Variants in REV3L observed in about 807,000 individuals in gnomAD.
REV3L encodes the protein REV3 like, DNA directed polymerase zeta catalytic subunit, also known as DNA polymerase zeta catalytic subunit.
In REV3L, 69 loss-of-function variants were observed where a neutral mutation model predicts 299.4. That is an observed-to-expected ratio of 0.23 (90% CI 0.19 to 0.28). REV3L has a LOEUF of 0.28. REV3L is among the 10% of genes least tolerant of loss of function. The pLI is 1.00. For missense variants in REV3L, 3,128 were observed against 3,693.8 expected (o/e 0.85, Z 3.97); for synonymous variants, 1,238 against 1,271.4 (o/e 0.97, Z 0.56).
Position 111,376,282 on chromosome 6 carries a change from T to G in REV3L, c.2073A>C (p.Ile691=). The G allele has an allele frequency of 6.2e-7, 1 of 1,613,840 alleles. No homozygotes were observed. Among genetic ancestry groups the G allele is most frequent in the Non-Finnish European group, 8.5e-7 (1 of 1,179,918 alleles). The change falls in exon 13 of 32, where the codon ATA becomes ATC. Residue 691 remains isoleucine (I), a synonymous_variant. Transcript: ENST00000368802. ...IRKIEKDSPF[I]HMHRHPNENT... ...TCTCGTTAGGGTGACGGTGCATATG[T>G]ATAAAAGGGGAATCCTTTTCGATTT...
chr6:111,379,877 G>A (rs1780652074), intron 11 of REV3L, 105 bp downstream of exon 11: 2 of 755,332 alleles, frequency 2.6e-6, no homozygotes, highest in African/African-American at 1.8e-5. Context: ...CATCAATTTA[G>A]TTCATAAGGT....
chr6:111,373,148 T>C lies in REV3L; in HGVS notation c.5207A>G (p.Asn1736Ser). The change falls in exon 13 of 32, where the codon AAT becomes AGT. Residue 1736 changes from asparagine to serine, a missense_variant. Asn to Ser is a conservative substitution (Grantham distance 46). Around this residue, in one of 9 missense-constraint regions of REV3L, gnomAD observed 2,409 missense variants for 2,611.8 expected, o/e 0.92. Transcript: ENST00000368802. ...EIFEKSTIDS[N>S]ENRRHNQWKN... Reference sequence around the variant, plus strand: ...CCACTGGTTGTGGCGACGATTCTCATTGCTATCTATGGTTGACTTCTCAAA... The same window carrying C: ...CCACTGGTTGTGGCGACGATTCTCACTGCTATCTATGGTTGACTTCTCAAA... The C allele has an allele frequency of 1.2e-6, 2 of 1,614,164 alleles. No homozygotes were observed. Among genetic ancestry groups the C allele is most frequent in the Non-Finnish European group, 1.7e-6 (2 of 1,180,006 alleles).
intron 1 of REV3L, among the ~76,000 whole-genome samples, chr6:111,439,226 C>G (rs1305941948): frequency 6.6e-6 from 1 of 152,098 alleles, no homozygotes; most frequent in Non-Finnish European, 1.5e-5. Flanking sequence ...TGACGTCAGA[C>G]AAAAAGCAAA....
At chr6:111,320,961 G>C (rs1042296496) in intron 26 of REV3L, among the ~76,000 whole-genome samples, 1 of 152,164 alleles carries the variant, frequency 6.6e-6, no homozygotes, top group African/African-American at 2.4e-5. Context: ...AATGTTTGTT[G>C]AATGTATCAG....
chr6:111,445,104 T>C (rs1788689172), intron 1 of REV3L, among the ~76,000 whole-genome samples: 1 of 152,088 alleles, frequency 6.6e-6, no homozygotes, highest in Admixed American at 6.5e-5. Flanking sequence ...CCAACTGCCT[T>C]GGAAGGGAAG....
At chr6:111,438,795 C>T (rs1165411109) in intron 1 of REV3L, among the ~76,000 whole-genome samples, 1 of 152,020 alleles carries the variant, frequency 6.6e-6, no homozygotes, top group Non-Finnish European at 1.5e-5. Context: ...CTCACGGGGT[C>T]CTGAATAAGG....
Position 111,367,876 on chromosome 6 carries a change from C to T in REV3L, c.5912G>A (p.Ser1971Asn). 6.2e-7 allele frequency: 1 copy of T among 1,614,160 alleles called. No individual in the cohort carries two copies. Among genetic ancestry groups the T allele is most frequent in the Non-Finnish European group, 8.5e-7 (1 of 1,180,022 alleles). Residue 1971 changes from serine to asparagine, a missense_variant, in exon 14 of 32, where the codon AGT becomes AAT. Physicochemically the swap from Ser to Asn is conservative, Grantham distance 46 (BLOSUM62 1). This residue lies in a region of REV3L where 2,409 missense variants were observed against 2,611.8 expected (regional missense o/e 0.92). Transcript: ENST00000368802. ...QNPRPGSPLR[S>N]GQGVVNKGSS... The stretch of plus-strand genomic sequence containing the variant: ...CCCTTTATTGACAACTCCTTGGCCA[C>T]TGCGAAGGGGTGACCCTGGCCTTGG...
At chr6:111,414,896 CT>C (rs745697083) in intron 2 of REV3L, among the ~76,000 whole-genome samples, 12 of 152,110 alleles carry the variant, frequency 7.9e-5, no homozygotes, top group Non-Finnish European at 1.3e-4. Flanking sequence ...ACACTATTTT[CT>C]TTTTTGTTTT....
At chr6:111,449,598 C>T (rs1305920591) in intron 1 of REV3L, among the ~76,000 whole-genome samples, 1 of 152,108 alleles carries the variant, frequency 6.6e-6, no homozygotes, top group Admixed American at 6.5e-5. Context: ...CACAAGACAT[C>T]GAGTAGAATA....
chr6:111,350,786 A>G (rs1414850827), intron 19 of REV3L, among the ~76,000 whole-genome samples: 2 of 146,838 alleles, frequency 1.4e-5, no homozygotes, highest in Non-Finnish European at 3.0e-5. Context: ...ATGGGGTCTC[A>G]CTTTGTTGCC....
intron 13 of REV3L, among the ~76,000 whole-genome samples, chr6:111,369,486 T>G (rs754455917): frequency 1.3e-5 from 2 of 152,096 alleles, no homozygotes; most frequent in Non-Finnish European, 2.9e-5. Flanking sequence ...AAGAAAATGC[T>G]AATATCTTCT....
chr6:111,483,395 A>AGGCGGCC (rs1040606512), upstream of REV3L: 9 of 446,806 alleles, frequency 2.0e-5, no homozygotes, highest in Non-Finnish European at 3.2e-5. Context: ...GCGGCGAGGG[A>AGGCGGCC]GGCGGCCGGC....
chr6:111,400,615 C>G (rs185721041), intron 4 of REV3L, among the ~76,000 whole-genome samples: 151 of 152,230 alleles, frequency 9.9e-4, no homozygotes, highest in African/African-American at 3.5e-3. Flanking sequence ...ATACACAAGT[C>G]CTCTATCAGA....
At chr6:111,395,732 C>G (rs931499612) in intron 4 of REV3L, among the ~76,000 whole-genome samples, 11 of 152,048 alleles carry the variant, frequency 7.2e-5, no homozygotes, top group African/African-American at 2.2e-4. Flanking sequence ...CTATGTTGAA[C>G]AGGAGTGGTA....
rs200575511 is a variant in REV3L at position 111,343,975 on chromosome 6, A to G, written c.7488T>C (p.Phe2496=). 184 of 1,613,646 alleles carry G rather than the reference A, an allele frequency of 1.1e-4. No individual in the cohort carries two copies. Among genetic ancestry groups the G allele is most frequent in the Non-Finnish European group, 5.6e-5 (66 of 1,179,776 alleles). ...ACCAGTCTGACAAGACTCGAAAGGTAAAGAGGGGAAAACGCTGATGAAGAA... is the reference window on the plus strand; with the variant it reads ...ACCAGTCTGACAAGACTCGAAAGGTGAAGAGGGGAAAACGCTGATGAAGAA... ...FHVLHQRFPL[F]TFRVLSDWFD... The change falls in exon 21 of 32, where the codon TTT becomes TTC. Residue 2496 remains phenylalanine, a synonymous_variant. Coordinates refer to ENST00000368802, the MANE Select transcript of REV3L (RefSeq NM_001372078.1).
At position 111,367,958 on chromosome 6, in the gene REV3L, A is replaced by G. The variant is rs1779396041; in HGVS notation, c.5830T>C (p.Phe1944Leu). The change falls in exon 14 of 32, where the codon TTT becomes CTT. Residue 1944 changes from phenylalanine to leucine, a missense_variant. By Grantham distance (22) the Phe-to-Leu change is conservative. Transcript: ENST00000368802. Reference protein sequence around the residue: ...ANDLAEFEGDFSLEGLRLWKT... With the variant: ...ANDLAEFEGDLSLEGLRLWKT... ...CAAAGACGAAGTCCTTCCAAGGAAA[A>G]GTCTCCCTCAAACTCAGCCAGATCA... 6.2e-7 allele frequency: 1 copy of G among 1,613,798 alleles called. No homozygotes were observed. Among genetic ancestry groups the G allele is most frequent in the African/African-American group, 1.3e-5 (1 of 74,894 alleles).
chr6:111,376,237 A>G lies in REV3L; in HGVS notation c.2118T>C (p.Ser706=), dbSNP rs1203017573. 1.2e-6 allele frequency: 2 copies of G among 1,613,772 alleles called. No individual in the cohort carries two copies. The highest frequency in any genetic ancestry group is 4.5e-5 in the East Asian group (2 of 44,856). The change falls in exon 13 of 32, where the codon TCT becomes TCC. Residue 706 remains serine, a synonymous_variant. Transcript: ENST00000368802. ...HPNENTLGKN[S]FNFSDLNHSK... ...AATGATTTAAGTCAGAAAAGTTGAA[A>G]GAATTTTTGCCCAATGTATTCTCGT...
chr6:111,387,798 C>G lies in REV3L; in HGVS notation c.1063G>C (p.Val355Leu), dbSNP rs1344731850. The G allele has an allele frequency of 4.3e-6, 7 of 1,613,784 alleles. No individual in the cohort carries two copies. The highest frequency in any genetic ancestry group is 3.3e-5 in the South Asian group (3 of 91,078). ...EMLQCTPANM[V>L]EVHKDKESSK... ...GACTCTTTGTCTTTGTGAACTTCTACCATATTGGCTGGTGTACACTGAAGC... is the reference window on the plus strand; with the variant it reads ...GACTCTTTGTCTTTGTGAACTTCTAGCATATTGGCTGGTGTACACTGAAGC... Residue 355 changes from valine to leucine, a missense_variant, in exon 9 of 32, where the codon GTA becomes CTA. This residue lies in a region of REV3L where 2,409 missense variants were observed against 2,611.8 expected (regional missense o/e 0.92). Coordinates refer to ENST00000368802, the MANE Select transcript of REV3L (RefSeq NM_001372078.1).
chr6:111,381,044 T>A (rs993146454), intron 10 of REV3L, among the ~76,000 whole-genome samples: 17 of 152,266 alleles, frequency 1.1e-4, no homozygotes, highest in Non-Finnish European at 1.3e-4. Context: ...TTGCAAAATA[T>A]TAATTCAAAA....
Sources: gnomAD v4.1 joint callset for allele counts (sites outside exome capture counted in the v4.1 genomes callset) on GRCh38, gnomAD v4.1.1 for gene constraint, gnomAD v4.1.1 regional missense constraint, MANE v1.5 for transcripts, NCBI Gene and HGNC (gene_info 2026-07-23, HGNC 2026-07-21) for gene names.